Variants in BIRC7 observed in about 807,000 individuals in gnomAD.
The protein encoded by BIRC7 is baculoviral IAP repeat-containing protein 7.
BIRC7 carries 26 observed loss-of-function variants against 33.2 expected under a neutral mutation model. The ratio of observed to expected loss-of-function variants is 0.78; its 90% CI spans 0.57 to 1.09. The LOEUF is 1.09. BIRC7 is among the 50% of genes least tolerant of loss of function. The pLI is 0.00. For synonymous variants in BIRC7, 176 were observed against 171.0 expected (o/e 1.03, Z -0.23); for missense variants, 409 against 401.2 (o/e 1.02, Z -0.17).
rs764547508 is a variant in BIRC7, at chr20:63,238,570, A to G, written c.533A>G (p.Asp178Gly). 1 of 1,613,030 alleles carries G rather than the reference A, an allele frequency of 6.2e-7. No individual in the cohort carries two copies. The highest frequency in any genetic ancestry group is 2.2e-5 in the East Asian group (1 of 44,874). ...CTGATGGTCTCTGGCTCCTTCCAGGACCCGTGGGAAGAACCGGAAGACGCA... is the reference window on the plus strand; with the variant it reads ...CTGATGGTCTCTGGCTCCTTCCAGGGCCCGTGGGAAGAACCGGAAGACGCA... Reference protein sequence around the residue: ...ETHSQLLGSWDPWEEPEDAAP... With the variant: ...ETHSQLLGSWGPWEEPEDAAP... Residue 178 changes from aspartate (D) to glycine (G), a missense_variant and splice_region_variant, in exon 4 of 7, where the codon GAC (aspartate) becomes GGC (glycine). Coordinates refer to ENST00000217169, the MANE Select transcript of BIRC7 (RefSeq NM_139317.3).
Position 63,239,491 on chromosome 20 carries a change from C to T in BIRC7, c.783C>T (p.Ser261=), listed in dbSNP as rs1238130013. 3 of 1,606,808 alleles carry T rather than the reference C, an allele frequency of 1.9e-6. No homozygotes were observed. In the African/African-American group the frequency reaches 4.0e-5, roughly 21 times the overall value. Reference sequence around the variant, plus strand: ...AGGTGTGCCTGGACCGCGCCGTGTCCATCGTCTTTGTGCCGTGCGGCCACC... The same window carrying T: ...AGGTGTGCCTGGACCGCGCCGTGTCTATCGTCTTTGTGCCGTGCGGCCACC... ...TCKVCLDRAV[S]IVFVPCGHLV... Residue 261 remains serine, a synonymous_variant, in exon 6 of 7, where the codon TCC becomes TCT. Transcript: ENST00000217169.
intron 4 of BIRC7, 41 bp from the exon 5 acceptor site, chr20:63,239,121 C>G: frequency 6.3e-7 from 1 of 1,595,222 alleles, no homozygotes; most frequent in Non-Finnish European, 8.6e-7. Flanking sequence ...CCAGCTTTCT[C>G]CTTGGGAGTT....
Position 63,236,068 on chromosome 20 carries a change from C to A in BIRC7, c.-29C>A. ...TGGCCATCAGCCCCCATTTCTGCTGCAAACCTGGTCAGAGCCAGTGTTCCC... is the reference window on the plus strand; with the variant it reads ...TGGCCATCAGCCCCCATTTCTGCTGAAAACCTGGTCAGAGCCAGTGTTCCC... On this transcript the variant is annotated 5_prime_UTR_variant, in exon 1 of 7. Transcript: ENST00000217169. 1 of 1,491,110 alleles carries A rather than the reference C, an allele frequency of 6.7e-7. No homozygotes were observed. 92.4% of individuals were successfully genotyped at this position (1,491,110 alleles called of 1,614,324 possible).
chr20:63,236,745 G>C (rs2066691690), intron 1 of BIRC7, among the ~76,000 whole-genome samples: 1 of 152,242 alleles, frequency 6.6e-6, no homozygotes, highest in Non-Finnish European at 1.5e-5. Context: ...GTACCCCTTT[G>C]TGATAGAAGT....
At chr20:63,237,601 T>C (rs1470146233) in intron 1 of BIRC7, among the ~76,000 whole-genome samples, 1 of 151,792 alleles carries the variant, frequency 6.6e-6, no homozygotes, top group African/African-American at 2.4e-5. Flanking sequence ...GGGCTATAGA[T>C]GTACCAAGCC....
In BIRC7 at chr20:63,239,615, G is replaced by A. The variant is rs2066720371; in HGVS notation, c.*5+5G>A. The A allele has an allele frequency of 6.3e-7, 1 of 1,590,442 alleles. No homozygotes were observed. The highest frequency in any genetic ancestry group is 8.5e-7 in the Non-Finnish European group (1 of 1,175,464). ...CACCTTCCTGTCCTAGGCCAGGTGA[G>A]CGCCCCAGCACCACGCGCAGCCAGC... is the stretch of plus-strand genomic sequence containing the variant. On this transcript the variant is annotated splice_donor_5th_base_variant and intron_variant, in intron 6 of 6. Transcript: ENST00000217169.
In BIRC7 at chr20:63,236,181, C is replaced by A. The variant is rs775279603; in HGVS notation, c.85C>A (p.Arg29Ser). 6.3e-7 allele frequency: 1 copy of A among 1,590,142 alleles called. No individual in the cohort carries two copies. The highest frequency in any genetic ancestry group is 8.6e-7 in the Non-Finnish European group (1 of 1,167,874). Residue 29 changes from arginine to serine, a missense_variant, in exon 1 of 7, where the codon CGC (arginine) becomes AGC (serine). By Grantham distance (110) the Arg-to-Ser change is moderately radical. Coordinates refer to ENST00000217169, the MANE Select transcript of BIRC7 (RefSeq NM_139317.3). ...WAAGDGPTQE[R>S]CGPRSLGSPV... ...AGCCGGTGATGGTCCCACGCAGGAG[C>A]GCTGTGGACCCCGCTCTCTGGGCAG... is the stretch of plus-strand genomic sequence containing the variant.
intron 1 of BIRC7, among the ~76,000 whole-genome samples, chr20:63,236,854 G>A (rs1003908885): frequency 1.3e-5 from 2 of 152,268 alleles, no homozygotes; most frequent in African/African-American, 2.4e-5. Flanking sequence ...GACCAAGGCA[G>A]GCAGTGGTCA....
Position 63,236,454 on chromosome 20 carries a change from C to A in BIRC7, c.349+9C>A. On this transcript the variant is annotated intron_variant, in intron 1 of 6. Coordinates refer to ENST00000217169, the MANE Select transcript of BIRC7 (RefSeq NM_139317.3). Reference sequence around the variant, plus strand: ...CGGCTTCTTCCACACAGGTCAGTCCCGGGCGGGGGGGCCTTCCTGCCGTGG... The same window carrying A: ...CGGCTTCTTCCACACAGGTCAGTCCAGGGCGGGGGGGCCTTCCTGCCGTGG... 4 of 1,512,822 alleles carry A rather than the reference C, an allele frequency of 2.6e-6. No homozygotes were observed. In the South Asian group the frequency reaches 5.2e-5, roughly 20 times the overall value. The allele number at this position is 1,512,822 out of a possible 1,614,324, so 93.7% of individuals were successfully genotyped here.
rs375475485 is a variant in BIRC7, at chr20:63,236,372, C to T, written c.276C>T (p.Ala92=). 4 of 1,587,024 alleles carry T rather than the reference C, an allele frequency of 2.5e-6. No individual in the cohort carries two copies. The highest frequency in any genetic ancestry group is 8.6e-7 in the Non-Finnish European group (1 of 1,164,294). The change falls in exon 1 of 7, where the codon GCC becomes GCT. Residue 92 remains alanine (A), a synonymous_variant. Transcript: ENST00000217169. ...PGMGSEELRL[A]SFYDWPLTAE... ...TGGGCTCTGAGGAGTTGCGTCTGGC[C>T]TCCTTCTATGACTGGCCGCTGACTG...
chr20:63,239,256 G>GC (rs397840121), intron 5 of BIRC7, 23 bp downstream of exon 5: 3 of 1,610,894 alleles, frequency 1.9e-6, no homozygotes, highest in East Asian at 4.5e-5. Context: ...GACCCCCTGG[G>GC]TGAGGGCTGG....
chr20:63,237,920 A>G lies in BIRC7; in HGVS notation c.367A>G (p.Arg123Gly). The change falls in exon 2 of 7, where the codon AGG (arginine) becomes GGG (glycine). Residue 123 changes from arginine (R) to glycine (G), a missense_variant. Transcript: ENST00000217169. ...FFHTGHQDKV[R>G]CFFCYGGLQS... ...CACCCCAGGCCATCAGGACAAGGTG[A>G]GGTGCTTCTTCTGCTATGGGGGCCT... 6.2e-7 allele frequency: 1 copy of G among 1,606,546 alleles called. No individual in the cohort carries two copies. Among genetic ancestry groups the G allele is most frequent in the Non-Finnish European group, 8.5e-7 (1 of 1,177,680 alleles).
intron 5 of BIRC7, 36 bp downstream of exon 5, chr20:63,239,269 C>T (rs1303589133): frequency 6.2e-7 from 1 of 1,609,578 alleles, no homozygotes; most frequent in Admixed American, 1.7e-5. Context: ...AGGGCTGGGG[C>T]AGGGGAGGGC....
rs750880009 is a variant in BIRC7 at position 63,239,482 on chromosome 20, C to T, written c.774C>T (p.Arg258=). The change falls in exon 6 of 7, where the codon CGC becomes CGT. Residue 258 remains arginine (R), a synonymous_variant. Coordinates refer to ENST00000217169, the MANE Select transcript of BIRC7 (RefSeq NM_139317.3). ...EERTCKVCLD[R]AVSIVFVPCG... is the part of the protein sequence containing the mutation. ...GGACGTGCAAGGTGTGCCTGGACCG[C>T]GCCGTGTCCATCGTCTTTGTGCCGT... The T allele has an allele frequency of 2.1e-5, 33 of 1,606,820 alleles. No homozygotes were observed. The highest frequency in any genetic ancestry group is 6.7e-5 in the East Asian group (3 of 44,882).
At position 63,239,350 on chromosome 20, in the gene BIRC7, C is replaced by T. The variant is rs764218395; in HGVS notation, c.650-8C>T. 6.2e-7 allele frequency: 1 copy of T among 1,602,504 alleles called. No homozygotes were observed. The highest frequency in any genetic ancestry group is 8.5e-7 in the Non-Finnish European group (1 of 1,179,496). Reference sequence around the variant, plus strand: ...GTGTGGGGACATTTCGCAGGCCTGTCCTCCTAGGAGGGGTCAGTCCAGCCG... The same window carrying T: ...GTGTGGGGACATTTCGCAGGCCTGTTCTCCTAGGAGGGGTCAGTCCAGCCG... On this transcript the variant is annotated splice_region_variant and splice_polypyrimidine_tract_variant and intron_variant, in intron 5 of 6. Coordinates refer to ENST00000217169, the MANE Select transcript of BIRC7 (RefSeq NM_139317.3).
At chr20:63,237,721 T>TCA (rs1050825473) in intron 1 of BIRC7, among the ~76,000 whole-genome samples, 182 bp from the exon 2 acceptor site, 2 of 152,100 alleles carry the variant, frequency 1.3e-5, no homozygotes, top group African/African-American at 4.8e-5. Flanking sequence ...TGTCCCCTTT[T>TCA]CACCTTTGAT....
intron 4 of BIRC7, 138 bp from the exon 5 acceptor site, chr20:63,239,024 A>G: frequency 1.2e-6 from 1 of 863,468 alleles, no homozygotes; most frequent in Non-Finnish European, 1.8e-6. Context: ...GGGTGGGAAG[A>G]AGTGTCGGGA....
chr20:63,236,345 C>A lies in BIRC7; in HGVS notation c.249C>A (p.Gly83=). 1 of 1,603,570 alleles carries A rather than the reference C, an allele frequency of 6.2e-7. No individual in the cohort carries two copies. The highest frequency in any genetic ancestry group is 1.1e-5 in the South Asian group (1 of 90,634). ...TGTCCAGGGGGCCTGCCTTCCCCGG[C>A]ATGGGCTCTGAGGAGTTGCGTCTGG... is the stretch of plus-strand genomic sequence containing the variant. ...ATLSRGPAFP[G]MGSEELRLAS... Residue 83 remains glycine (G), a synonymous_variant, in exon 1 of 7, where the codon GGC becomes GGA. Coordinates refer to ENST00000217169, the MANE Select transcript of BIRC7 (RefSeq NM_139317.3).
At position 63,237,960 on chromosome 20, in the gene BIRC7, G is replaced by A. The variant is rs371804670; in HGVS notation, c.407G>A (p.Arg136His). 36 of 1,608,812 alleles carry A rather than the reference G, an allele frequency of 2.2e-5. No individual in the cohort carries two copies. Among genetic ancestry groups the A allele is most frequent in the East Asian group, 1.6e-4 (7 of 44,668 alleles). The change falls in exon 2 of 7, where the codon CGC (arginine) becomes CAC (histidine). Residue 136 changes from arginine (R) to histidine (H), a missense_variant. Arg to His is a conservative substitution (Grantham distance 29). Coordinates refer to ENST00000217169, the MANE Select transcript of BIRC7 (RefSeq NM_139317.3). ...TATGGGGGCCTGCAGAGCTGGAAGC[G>A]CGGGGACGACCCCTGGACGGAGCAT... Reference protein sequence around the residue: ...FCYGGLQSWKRGDDPWTEHAK... With the variant: ...FCYGGLQSWKHGDDPWTEHAK...
Sources: allele counts gnomAD v4.1 joint callset (sites outside exome capture counted in the v4.1 genomes callset), GRCh38; gene constraint gnomAD v4.1.1; transcripts MANE v1.5; gene names NCBI Gene and HGNC (gene_info 2026-07-23, HGNC 2026-07-21).